PRRG2: variants seen among roughly 807,000 people sequenced by gnomAD.
PRRG2 encodes proline rich and Gla domain 2, also known as transmembrane gamma-carboxyglutamic acid protein 2.
PRRG2 carries 23 observed loss-of-function variants against 27.1 expected under a neutral mutation model. The ratio of observed to expected loss-of-function variants is 0.85; its 90% CI spans 0.61 to 1.20. PRRG2 has a LOEUF of 1.20. PRRG2 is among the 50% of genes most tolerant of loss of function. The pLI, the probability that PRRG2 is intolerant of heterozygous loss-of-function variation, is 0.00. For synonymous variants in PRRG2, 104 were observed against 103.4 expected (o/e 1.01, Z -0.03); for missense variants, 276 against 254.8 (o/e 1.08, Z -0.57).
chr19:49,586,072 CAAAAAAAAAAAAA>C (rs1171500009), intron 4 of PRRG2, among the ~76,000 whole-genome samples: 21 of 56,920 alleles, frequency 3.7e-4, no homozygotes, highest in African/African-American at 6.7e-4. Flanking sequence ...AGAGTGTCTC[CAAAAAAAAAAAAA>C]AAAAAAAAAA....
intron 4 of PRRG2, among the ~76,000 whole-genome samples, chr19:49,587,868 C>G (rs890078355): frequency 1.3e-5 from 2 of 152,150 alleles, no homozygotes; most frequent in Admixed American, 6.6e-5. Context: ...ATCTGCCTGC[C>G]TCAGCCTCCC....
chr19:49,590,524 GGCCT>G lies in PRRG2; in HGVS notation c.*139_*142del. The G allele has an allele frequency of 8.1e-7, 1 of 1,239,580 alleles. No individual in the cohort carries two copies. The highest frequency in any genetic ancestry group is 1.2e-6 in the Non-Finnish European group (1 of 869,284). The allele number at this position is 1,239,580 out of a possible 1,614,324, so 76.8% of individuals were successfully genotyped here. A position where few individuals can be genotyped will look rare whatever the true frequency, so the allele number is the denominator to read the frequency against. Reference sequence around the variant, plus strand: ...TGGGAGTAGGGGTCATCCGGCCCGAGGCCTGCCCTGGCACACGCGTTTCCGCCGC... The same window carrying G: ...TGGGAGTAGGGGTCATCCGGCCCGAGGCCCTGGCACACGCGTTTCCGCCGC... On this transcript the variant is annotated 3_prime_UTR_variant, in exon 7 of 7. Transcript: ENST00000246794.
chr19:49,582,171 G>A (rs894840859), intron 1 of PRRG2, among the ~76,000 whole-genome samples: 7 of 146,252 alleles, frequency 4.8e-5, no homozygotes, highest in African/African-American at 1.5e-4. Context: ...AACCCAGGAG[G>A]CAGAGGTCAC....
chr19:49,583,110 T>C, intron 1 of PRRG2, 97 bp from the exon 2 acceptor site: 1 of 887,096 alleles, frequency 1.1e-6, no homozygotes, highest in Middle Eastern at 2.2e-4. Flanking sequence ...GTGGCTGCTA[T>C]TATTGCCATT....
chr19:49,590,526 C>A lies in PRRG2; in HGVS notation c.*137C>A. The stretch of plus-strand genomic sequence containing the variant: ...GGAGTAGGGGTCATCCGGCCCGAGG[C>A]CTGCCCTGGCACACGCGTTTCCGCC... On this transcript the variant is annotated 3_prime_UTR_variant, in exon 7 of 7. Coordinates refer to ENST00000246794, the MANE Select transcript of PRRG2 (RefSeq NM_000951.3). 8.1e-7 allele frequency: 1 copy of A among 1,238,902 alleles called. No homozygotes were observed. The highest frequency in any genetic ancestry group is 1.2e-6 in the Non-Finnish European group (1 of 868,352). 76.7% of individuals were successfully genotyped at this position (1,238,902 alleles called of 1,614,324 possible).
chr19:49,590,418 A>C lies in PRRG2; in HGVS notation c.*29A>C. The C allele has an allele frequency of 6.2e-7, 1 of 1,614,054 alleles. No homozygotes were observed. Among genetic ancestry groups the C allele is most frequent in the Non-Finnish European group, 8.5e-7 (1 of 1,179,960 alleles). On this transcript the variant is annotated 3_prime_UTR_variant, in exon 7 of 7. Transcript: ENST00000246794. ...GCTGCTTTCGAGACCCGGCTCTCCG[A>C]ACCGTGCCCCTGATTCATACCGGAT... is the stretch of plus-strand genomic sequence containing the variant.
intron 4 of PRRG2, among the ~76,000 whole-genome samples, chr19:49,586,957 G>A (rs2080675139): frequency 6.6e-6 from 1 of 151,474 alleles, no homozygotes; most frequent in African/African-American, 2.4e-5. Flanking sequence ...GAGCCTAGGA[G>A]TTTGAGGCCA....
At chr19:49,581,677 A>G (rs1343077321) in intron 1 of PRRG2, among the ~76,000 whole-genome samples, 196 bp downstream of exon 1, 3 of 152,114 alleles carry the variant, frequency 2.0e-5, no homozygotes, top group African/African-American at 7.2e-5. Context: ...CTGTGGGTGG[A>G]TGTGACAATG....
rs1230322070 is a variant in PRRG2, at chr19:49,589,927, T to C, written c.465T>C (p.Pro155=). ...QEAGLISPLS[P]LNPLGPPTPL... ...CCGGGCTCATTAGCCCTCTGAGTCC[T>C]TTGAACCCTCTGGGCCCACCGACGC... The change falls in exon 6 of 7, where the codon CCT becomes CCC. Residue 155 remains proline (P), a synonymous_variant. Transcript: ENST00000246794. 1 of 1,612,244 alleles carries C rather than the reference T, an allele frequency of 6.2e-7. No homozygotes were observed. The highest frequency in any genetic ancestry group is 1.6e-4 in the Middle Eastern group (1 of 6,062).
In PRRG2 at chr19:49,588,500, G is replaced by A. The variant is rs538503371; in HGVS notation, c.305G>A (p.Arg102His). 9 of 1,591,036 alleles carry A rather than the reference G, an allele frequency of 5.7e-6. No individual in the cohort carries two copies. Among genetic ancestry groups the A allele is most frequent in the African/African-American group, 1.3e-5 (1 of 74,616 alleles). ...ESYIYNGKGG[R>H]GRVDVASLAV... ...CCCCTTCCCTACTTTCCTGCAGGGC[G>A]TGGACGAGTGGATGTGGCCAGCCTG... is the stretch of plus-strand genomic sequence containing the variant. Residue 102 changes from arginine to histidine, a missense_variant, in exon 5 of 7, where the codon CGT becomes CAT. By Grantham distance (29) the Arg-to-His change is conservative (BLOSUM62 0). Transcript: ENST00000246794.
At chr19:49,581,646 C>T (rs895063500) in intron 1 of PRRG2, among the ~76,000 whole-genome samples, 165 bp downstream of exon 1, 1 of 152,050 alleles carries the variant, frequency 6.6e-6, no homozygotes, top group Non-Finnish European at 1.5e-5. Flanking sequence ...CTGCCTCTGC[C>T]TCTCTCGTAA....
rs140721595 is a variant in PRRG2 at position 49,583,940 on chromosome 19, A to G, written c.289A>G (p.Asn97Asp). The G allele has an allele frequency of 2.7e-4, 436 of 1,613,542 alleles. 4 individuals carry two copies. In the Admixed American group the frequency reaches 7.1e-3, roughly 26 times the overall value. ...GCGCTTTTGGGAGAGCTACATCTAC[A>G]ATGGCAAAGGAGGTGAGTGAGGGGC... ...TERFWESYIY[N>D]GKGGRGRVDV... Residue 97 changes from asparagine to aspartate, a missense_variant, in exon 4 of 7, where the codon AAT becomes GAT. Coordinates refer to ENST00000246794, the MANE Select transcript of PRRG2 (RefSeq NM_000951.3).
intron 4 of PRRG2, among the ~76,000 whole-genome samples, chr19:49,586,166 C>T (rs143181307): frequency 2.0e-5 from 3 of 151,824 alleles, no homozygotes; most frequent in African/African-American, 2.4e-5. Context: ...ACTGCAGCCT[C>T]GACCTCCTAG....
chr19:49,588,768 T>C (rs2080691773), intron 5 of PRRG2, 136 bp downstream of exon 5: 1 of 1,155,972 alleles, frequency 8.7e-7, no homozygotes, highest in South Asian at 1.8e-5. Context: ...ATTTGGAGAG[T>C]GAGTCTGTGA....
chr19:49,584,728 T>A (rs973862944), intron 4 of PRRG2, among the ~76,000 whole-genome samples: 1 of 152,224 alleles, frequency 6.6e-6, no homozygotes, highest in African/African-American at 2.4e-5. Flanking sequence ...TGTCCCAGAC[T>A]GCTGAGATTA....
intron 6 of PRRG2, 134 bp downstream of exon 6, chr19:49,590,186 G>GCCCCATGCAATGGTCTAGGGGCGTC: frequency 7.1e-7 from 1 of 1,404,744 alleles, no homozygotes; most frequent in Non-Finnish European, 9.6e-7. Flanking sequence ...CGGGGGCGGG[G>GCCCCATGCAATGGTCTAGGGGCGTC]CCCCATGCAA....
At chr19:49,582,250 A>AAC (rs1002388407) in intron 1 of PRRG2, among the ~76,000 whole-genome samples, 3 of 149,274 alleles carry the variant, frequency 2.0e-5, no homozygotes, top group African/African-American at 7.4e-5. Context: ...AAAAAAAAAA[A>AAC]AAAAAAAAAA....
At chr19:49,585,313 C>T (rs764608487) in intron 4 of PRRG2, among the ~76,000 whole-genome samples, 27 of 152,204 alleles carry the variant, frequency 1.8e-4, no homozygotes, top group Non-Finnish European at 3.2e-4. Flanking sequence ...GGGGTAGCTG[C>T]ACCTTAGCAA....
intron 1 of PRRG2, 45 bp from the exon 2 acceptor site, chr19:49,583,162 C>T: frequency 6.6e-7 from 1 of 1,525,514 alleles, no homozygotes; most frequent in South Asian, 1.1e-5. Flanking sequence ...TGCCTCATTA[C>T]CCAGGGACTA....
Sources: allele counts gnomAD v4.1 joint callset (sites outside exome capture counted in the v4.1 genomes callset), GRCh38; gene constraint gnomAD v4.1.1; transcripts MANE v1.5; gene names NCBI Gene and HGNC (gene_info 2026-07-23, HGNC 2026-07-21).